The following CCNJL variants were observed in gnomAD, a reference collection of about 807,000 sequenced individuals.
The protein encoded by CCNJL is cyclin J like.
Under a neutral mutation model 33.4 loss-of-function variants are expected in CCNJL, and 33 were observed. The observed-to-expected ratio is 0.99, with a 90% confidence interval of 0.75 to 1.32. The LOEUF is 1.32. CCNJL is among the 40% of genes most tolerant of loss of function. The pLI, the probability that CCNJL is intolerant of heterozygous loss-of-function variation, is 0.00. For synonymous variants in CCNJL, 227 were observed against 220.9 expected (o/e 1.03, Z -0.24); for missense variants, 512 against 499.7 (o/e 1.02, Z -0.23).
chr5:160,321,320 A>C (rs1471588734), intron 1 of CCNJL, among the ~76,000 whole-genome samples: 3 of 152,074 alleles, frequency 2.0e-5, no homozygotes, highest in African/African-American at 7.2e-5. Flanking sequence ...AACAGACAAT[A>C]AACAGGAAGG....
Position 160,253,286 on chromosome 5 carries a change from C to T in CCNJL, c.*92G>A. The T allele has an allele frequency of 3.1e-6, 4 of 1,305,182 alleles. No homozygotes were observed. In the South Asian group the frequency reaches 4.5e-5, roughly 15 times the overall value. The allele number at this position is 1,305,182 out of a possible 1,614,324, so 80.9% of individuals were successfully genotyped here. ...CGTTCCAAGGCTCTTCAGGGATGGC[C>T]TCCTGCTGCCTCACTTGGCTGAGCT... On this transcript the variant is annotated 3_prime_UTR_variant, in exon 6 of 6. Transcript: ENST00000257536.
chr5:160,316,008 G>A (rs1763376016), upstream of CCNJL, among the ~76,000 whole-genome samples: 1 of 152,144 alleles, frequency 6.6e-6, no homozygotes, highest in South Asian at 2.1e-4. Flanking sequence ...GAAGCTTTGG[G>A]CTTTTCTCCA....
At chr5:160,328,849 C>T (rs969652234) in intron 1 of CCNJL, among the ~76,000 whole-genome samples, 1 of 150,954 alleles carries the variant, frequency 6.6e-6, no homozygotes, top group African/African-American at 2.5e-5. Flanking sequence ...CACTGCACTC[C>T]AGCCTGGGCA....
chr5:160,270,217 G>A (rs1477968154), intron 3 of CCNJL, among the ~76,000 whole-genome samples: 1 of 152,196 alleles, frequency 6.6e-6, no homozygotes, highest in Admixed American at 6.5e-5. Context: ...GCCGGGGCGG[G>A]CAGATCACTT....
chr5:160,273,436 G>A (rs978217016), intron 3 of CCNJL, among the ~76,000 whole-genome samples: 1 of 152,076 alleles, frequency 6.6e-6, no homozygotes, highest in Non-Finnish European at 1.5e-5. Flanking sequence ...GAGACTTGTT[G>A]ACACCAAAAT....
intron 3 of CCNJL, among the ~76,000 whole-genome samples, chr5:160,259,975 T>G (rs1050953256): frequency 2.0e-5 from 3 of 152,206 alleles, no homozygotes; most frequent in African/African-American, 7.2e-5. Context: ...CACTGGGGGA[T>G]CATGGCTAGG....
Position 160,253,134 on chromosome 5 carries a change from C to G in CCNJL, c.*244G>C. On this transcript the variant is annotated 3_prime_UTR_variant, in exon 6 of 6. Coordinates refer to ENST00000257536, the MANE Select transcript of CCNJL (RefSeq NM_001308173.3). ...GGGCCCCTGTGTGGGGGGACGGCCA[C>G]CAAGCCATCCTTTTGTACCCTAGCC... 1 of 406,920 alleles carries G rather than the reference C, an allele frequency of 2.5e-6. No individual in the cohort carries two copies. Among genetic ancestry groups the G allele is most frequent in the Non-Finnish European group, 4.3e-6 (1 of 230,332 alleles). The allele number at this position is 406,920 out of a possible 1,614,324, so 25.2% of individuals were successfully genotyped here. A position where few individuals can be genotyped will look rare whatever the true frequency, so the allele number is the denominator to read the frequency against.
At chr5:160,286,542 G>A (rs1210496545) in intron 2 of CCNJL, among the ~76,000 whole-genome samples, 1 of 152,068 alleles carries the variant, frequency 6.6e-6, no homozygotes, top group East Asian at 1.9e-4. Flanking sequence ...GGAGGCTGAG[G>A]CACGAGAATC....
chr5:160,339,228 A>G (rs984664104), intron 1 of CCNJL, among the ~76,000 whole-genome samples: 1 of 149,810 alleles, frequency 6.7e-6, no homozygotes, highest in Non-Finnish European at 1.5e-5. Flanking sequence ...AGACATGGAT[A>G]ATACTTAAGA....
chr5:160,254,523 G>T, intron 5 of CCNJL: 1 of 434,672 alleles, frequency 2.3e-6, no homozygotes. Flanking sequence ...ATGAGATAAA[G>T]ACAGCTGCCA....
chr5:160,288,373 A>G (rs2113380343), intron 2 of CCNJL, among the ~76,000 whole-genome samples: 1 of 152,246 alleles, frequency 6.6e-6, no homozygotes, highest in Admixed American at 6.5e-5. Context: ...CCAGCTCAAA[A>G]TTTATCCCTG....
chr5:160,296,352 A>G (rs1185195358), intron 2 of CCNJL, among the ~76,000 whole-genome samples: 1 of 152,206 alleles, frequency 6.6e-6, no homozygotes, highest in Non-Finnish European at 1.5e-5. Flanking sequence ...AATAATGTTT[A>G]CTATGAAAAA....
chr5:160,300,412 G>A (rs1260145760), intron 2 of CCNJL, among the ~76,000 whole-genome samples: 2 of 152,050 alleles, frequency 1.3e-5, no homozygotes, highest in East Asian at 1.9e-4. Context: ...CCTTCCTCTC[G>A]CCTTGCCATC....
intron 2 of CCNJL, among the ~76,000 whole-genome samples, chr5:160,305,901 G>A (rs919121811): frequency 2.0e-5 from 3 of 152,270 alleles, no homozygotes; most frequent in East Asian, 1.9e-4. Flanking sequence ...AACACTAAAC[G>A]AAATGTTTGC....
chr5:160,300,883 AT>A (rs947031842), intron 2 of CCNJL, among the ~76,000 whole-genome samples: 4 of 152,158 alleles, frequency 2.6e-5, no homozygotes, highest in African/African-American at 9.6e-5. Context: ...AATGGTACTA[AT>A]TTTTTTTAAG....
Position 160,299,868 on chromosome 5 carries a change from G to A in CCNJL, c.66+11990C>T, listed in dbSNP as rs1480596298. 2.7e-5 allele frequency among the ~76,000 whole-genome samples: 4 copies of A among 150,106 alleles called. No individual in the cohort carries two copies. The South Asian group carries it at 6.3e-4, about 24-fold the overall frequency. Reference sequence around the variant, plus strand: ...TTTTTTTTTTACAATAATCAGAAAAGTCCATTGCACACCAACGCTGTCTAC... The same window carrying A: ...TTTTTTTTTTACAATAATCAGAAAAATCCATTGCACACCAACGCTGTCTAC... On this transcript the variant is annotated intron_variant, in intron 2 of 5. Transcript: ENST00000257536.
At chr5:160,273,384 T>C (rs1318794767) in intron 3 of CCNJL, among the ~76,000 whole-genome samples, 4 of 152,228 alleles carry the variant, frequency 2.6e-5, no homozygotes, top group African/African-American at 7.2e-5. Flanking sequence ...CACAGCCTTC[T>C]TGACCTTGGG....
chr5:160,298,972 A>ATATT (rs934626300), intron 2 of CCNJL, among the ~76,000 whole-genome samples: 27 of 152,090 alleles, frequency 1.8e-4, no homozygotes, highest in African/African-American at 4.8e-4. Flanking sequence ...TACGTATTTT[A>ATATT]TATTTATTTA....
chr5:160,310,729 T>A (rs975764380), intron 2 of CCNJL, among the ~76,000 whole-genome samples: 1 of 152,206 alleles, frequency 6.6e-6, no homozygotes, highest in Non-Finnish European at 1.5e-5. Context: ...ACTCCAATGA[T>A]CGGGTATCCT....
Sources: allele counts gnomAD v4.1 joint callset (sites outside exome capture counted in the v4.1 genomes callset), GRCh38; gene constraint gnomAD v4.1.1; transcripts MANE v1.5; gene names NCBI Gene and HGNC (gene_info 2026-07-23, HGNC 2026-07-21).